The following TXLNB variants were observed in gnomAD, a reference collection of about 807,000 sequenced individuals.
TXLNB encodes taxilin beta.
TXLNB carries 37 observed loss-of-function variants against 57.4 expected under a neutral mutation model. That is an observed-to-expected ratio of 0.64 (90% CI 0.50 to 0.85). The LOEUF is 0.85. Among genes scored for constraint, TXLNB ranks in the 40% least tolerant of loss-of-function variants. The pLI is 0.00. For synonymous variants in TXLNB, 302 were observed against 309.6 expected (o/e 0.98, Z 0.26); for missense variants, 848 against 825.6 (o/e 1.03, Z -0.33).
chr6:139,183,833 G>T, the TXLNB span, among the ~76,000 whole-genome samples: 82 of 149,440 alleles, frequency 5.5e-4, no homozygotes, highest in African/African-American at 2.1e-3. Context: ...GGTTCGGTAC[G>T]TGCAAAATCA....
intron 7 of TXLNB, chr6:139,251,674 A>C (rs980047247): frequency 1.3e-5 from 2 of 152,246 alleles, no homozygotes; most frequent in Non-Finnish European, 1.5e-5. Context: ...AACAACAACA[A>C]AAATTGCCTC....
At chr6:139,298,541 A>G in the TXLNB span, among the ~76,000 whole-genome samples, 13 of 152,164 alleles carry the variant, frequency 8.5e-5, no homozygotes, top group Admixed American at 8.5e-4. Flanking sequence ...TGTAGTAGAG[A>G]TTCAGAAGCA....
downstream of TXLNB, among the ~76,000 whole-genome samples, chr6:139,238,342 C>G (rs138629680): frequency 6.6e-6 from 1 of 151,944 alleles, no homozygotes; most frequent in Non-Finnish European, 1.5e-5. Flanking sequence ...TGCAGTAAGC[C>G]GATATCACGC....
At chr6:139,261,599 C>G (rs994205936) in intron 5 of TXLNB, among the ~76,000 whole-genome samples, 1 of 152,002 alleles carries the variant, frequency 6.6e-6, no homozygotes, top group South Asian at 2.1e-4. Flanking sequence ...TTGGGTATAA[C>G]AAAAGACCTT....
rs369010345 is a variant in TXLNB, at chr6:139,262,452, G to A, written c.882+127C>T. ...TCTGTCTTCATTTTGGCTCGTCAAGGAAATCCAATCCTAAATATTAATCAG... is the reference window on the plus strand; with the variant it reads ...TCTGTCTTCATTTTGGCTCGTCAAGAAAATCCAATCCTAAATATTAATCAG... On this transcript the variant is annotated intron_variant, in intron 5 of 9. Transcript: ENST00000358430. The A allele has an allele frequency of 6.6e-5, 51 of 768,412 alleles. No individual in the cohort carries two copies. The African/African-American group carries it at 8.5e-4, about 13-fold the overall frequency. 47.6% of individuals were successfully genotyped at this position (768,412 alleles called of 1,614,324 possible).
chr6:139,238,966 C>T (rs1582982934), downstream of TXLNB: 1 of 152,180 alleles, frequency 6.6e-6, no homozygotes, highest in Non-Finnish European at 1.5e-5. Flanking sequence ...TATTGAAAAG[C>T]AGCATCAGTT....
chr6:139,186,545 G>C, the TXLNB span, among the ~76,000 whole-genome samples: 1 of 152,130 alleles, frequency 6.6e-6, no homozygotes, highest in Non-Finnish European at 1.5e-5. Context: ...TTACACTGCT[G>C]GTGGGACAGT....
chr6:139,277,217 C>T (rs759722085), intron 2 of TXLNB: 2 of 260,980 alleles, frequency 7.7e-6, no homozygotes, highest in Non-Finnish European at 1.4e-5. Flanking sequence ...TATTTCTCCT[C>T]CCTGTATTCT....
the TXLNB span, chr6:139,174,443 C>T: frequency 1.9e-6 from 3 of 1,613,998 alleles, no homozygotes; most frequent in Non-Finnish European, 1.7e-6. Flanking sequence ...TTCACAAGAT[C>T]ATCTGCATCA....
At chr6:139,274,956 A>C (rs1038779757) in intron 3 of TXLNB, among the ~76,000 whole-genome samples, 3 of 152,162 alleles carry the variant, frequency 2.0e-5, no homozygotes, top group African/African-American at 7.2e-5. Flanking sequence ...ATTATTTTTG[A>C]CACCTAAATT....
chr6:139,258,923 C>T (rs1332733811), intron 6 of TXLNB, among the ~76,000 whole-genome samples: 1 of 151,716 alleles, frequency 6.6e-6, no homozygotes, highest in Admixed American at 6.6e-5. Flanking sequence ...GTAGAATGAC[C>T]CTACAGCTTT....
chr6:139,177,106 T>C, the TXLNB span: 1 of 845,348 alleles, frequency 1.2e-6, no homozygotes, highest in Admixed American at 1.7e-5. The surrounding 1 kb of genome is among the most constrained non-coding windows in gnomAD (Gnocchi z 4.9). Context: ...AGCTTATTGA[T>C]GAAAGCTTTG....
At chr6:139,206,444 G>T in the TXLNB span, among the ~76,000 whole-genome samples, 320 of 152,184 alleles carry the variant, frequency 2.1e-3, no homozygotes, top group Middle Eastern at 0.02. Flanking sequence ...CAAGGTGGGC[G>T]GATCACGAAG....
At position 139,284,459 on chromosome 6, in the gene TXLNB, T is replaced by A. The variant is rs1243381275; in HGVS notation, c.424+4017A>T. Reference sequence around the variant, plus strand: ...AGGAGAATCGCTTGAACTAGGGAGCTGGAGGTTGTAGTGAGCCGAAATCGC... The same window carrying A: ...AGGAGAATCGCTTGAACTAGGGAGCAGGAGGTTGTAGTGAGCCGAAATCGC... On this transcript the variant is annotated intron_variant, in intron 2 of 9. Coordinates refer to ENST00000358430, the MANE Select transcript of TXLNB (RefSeq NM_153235.4). Among the ~76,000 whole-genome samples the A allele has an allele frequency of 2.1e-5, 3 of 144,808 alleles. No individual in the cohort carries two copies. The East Asian group carries it at 6.0e-4, about 29-fold the overall frequency. The allele number at this position is 144,808 out of a possible 152,430, so 95.0% of individuals were successfully genotyped here.
At chr6:139,264,329 C>T (rs1407076227) in intron 4 of TXLNB, among the ~76,000 whole-genome samples, 1 of 152,086 alleles carries the variant, frequency 6.6e-6, no homozygotes, top group East Asian at 1.9e-4. Flanking sequence ...ATCAGAACTA[C>T]AGACCATGAT....
chr6:139,270,714 G>A, intron 3 of TXLNB, 88 bp from the exon 4 acceptor site: 1 of 1,191,512 alleles, frequency 8.4e-7, no homozygotes, highest in Non-Finnish European at 1.2e-6. Context: ...AGATTACTCT[G>A]TGGTTGTTTG....
intron 6 of TXLNB, among the ~76,000 whole-genome samples, chr6:139,256,171 A>G (rs947835509): frequency 6.6e-6 from 1 of 152,196 alleles, no homozygotes; most frequent in Non-Finnish European, 1.5e-5. Flanking sequence ...AATAAAAAAA[A>G]TAGTCTCTAG....
intron 8 of TXLNB, among the ~76,000 whole-genome samples, chr6:139,245,294 T>C (rs1251970332): frequency 6.6e-6 from 1 of 152,192 alleles, no homozygotes; most frequent in Non-Finnish European, 1.5e-5. Context: ...TAGAGTAATA[T>C]TTAGGTGAAT....
the TXLNB span, among the ~76,000 whole-genome samples, chr6:139,197,158 C>G: frequency 1.3e-5 from 2 of 152,198 alleles, no homozygotes; most frequent in African/African-American, 4.8e-5. Flanking sequence ...ATCACACACT[C>G]TTATAGAGTT....
Sources: gnomAD v4.1 joint callset for allele counts (sites outside exome capture counted in the v4.1 genomes callset) on GRCh38, gnomAD v4.1.1 for gene constraint, Gnocchi (gnomAD v3.1) non-coding constraint, MANE v1.5 for transcripts, NCBI Gene and HGNC (gene_info 2026-07-23, HGNC 2026-07-21) for gene names.